Variants in LDB2 observed in about 807,000 individuals in gnomAD.
LDB2 encodes LIM domain binding 2.
A neutral mutation model predicts 44.3 loss-of-function variants in LDB2; 12 were observed. The observed-to-expected ratio is 0.27, with a 90% CI of 0.17 to 0.44. The LOEUF is 0.44. LDB2 is among the 20% of genes least tolerant of loss of function. The pLI, the probability that LDB2 is intolerant of heterozygous loss-of-function variation, is 1.00. For synonymous variants in LDB2, 164 were observed against 174.8 expected (o/e 0.94, Z 0.49); for missense variants, 344 against 473.5 (o/e 0.73, Z 2.54).
chr4:16,598,252 C>CT, intron 2 of LDB2, among the ~76,000 whole-genome samples: 1 of 152,332 alleles, frequency 6.6e-6, no homozygotes, highest in African/African-American at 2.4e-5. Context: ...GAACTCGAAG[C>CT]TTTCACTTTG....
At chr4:16,698,414 T>C (rs1242156432) in intron 2 of LDB2, among the ~76,000 whole-genome samples, 6 of 152,214 alleles carry the variant, frequency 3.9e-5, no homozygotes, top group Admixed American at 3.9e-4. Context: ...GATAATACTC[T>C]TTCCACACAC....
intron 1 of LDB2, among the ~76,000 whole-genome samples, chr4:16,778,302 C>T (rs140043336): frequency 5.9e-5 from 9 of 152,280 alleles, no homozygotes; most frequent in African/African-American, 1.9e-4. Flanking sequence ...TACGCACACA[C>T]GCATGCAAGA....
intron 2 of LDB2, among the ~76,000 whole-genome samples, chr4:16,750,013 G>A (rs1566069): frequency 6.6e-6 from 1 of 151,852 alleles, no homozygotes; most frequent in East Asian, 1.9e-4. Flanking sequence ...TTCTATTTTT[G>A]TCATAAAAAT....
chr4:16,557,566 A>G (rs1378027130), intron 5 of LDB2, among the ~76,000 whole-genome samples: 2 of 152,222 alleles, frequency 1.3e-5, no homozygotes, highest in Non-Finnish European at 2.9e-5. Flanking sequence ...CGGGAAGCTC[A>G]AACTGGGTGG....
chr4:16,663,444 C>T (rs925291215), intron 2 of LDB2, among the ~76,000 whole-genome samples: 4 of 152,156 alleles, frequency 2.6e-5, no homozygotes, highest in Non-Finnish European at 4.4e-5. Flanking sequence ...AAGTTGGCTC[C>T]AGCACACCAC....
chr4:16,652,555 C>T (rs867511393), intron 2 of LDB2, among the ~76,000 whole-genome samples: 10 of 152,196 alleles, frequency 6.6e-5, no homozygotes, highest in South Asian at 2.1e-4. Flanking sequence ...GGGGTAAAGG[C>T]GGGGCTGTCC....
chr4:16,842,805 G>A (rs1786137171), intron 1 of LDB2, among the ~76,000 whole-genome samples: 1 of 152,240 alleles, frequency 6.6e-6, no homozygotes, highest in South Asian at 2.1e-4. Flanking sequence ...TCAGGTTCTG[G>A]AACTGGTATT....
intron 1 of LDB2, among the ~76,000 whole-genome samples, chr4:16,860,154 A>G (rs1304584300): frequency 6.6e-6 from 1 of 152,222 alleles, no homozygotes; most frequent in Non-Finnish European, 1.5e-5. Context: ...AACATGGAAG[A>G]AGACGGATGG....
intron 5 of LDB2, among the ~76,000 whole-genome samples, chr4:16,536,712 G>A (rs1309803988): frequency 6.6e-6 from 1 of 152,214 alleles, no homozygotes; most frequent in East Asian, 1.9e-4. Context: ...GATGGAGAAT[G>A]GCTCAAGCAG....
chr4:16,628,491 G>C (rs1730923586), intron 2 of LDB2, among the ~76,000 whole-genome samples: 1 of 152,062 alleles, frequency 6.6e-6, no homozygotes, highest in Admixed American at 6.5e-5. Flanking sequence ...TTGGGGATGA[G>C]AAAGGTAACT....
intron 1 of LDB2, among the ~76,000 whole-genome samples, chr4:16,879,199 A>G (rs1017560049): frequency 6.6e-6 from 1 of 152,218 alleles, no homozygotes. Flanking sequence ...TCCCTATTGC[A>G]ATAAAGTCAG....
intron 2 of LDB2, among the ~76,000 whole-genome samples, chr4:16,609,359 GGA>G (rs1210368163): frequency 6.8e-6 from 1 of 147,402 alleles, no homozygotes; most frequent in African/African-American, 2.5e-5. Context: ...GGCGGGGGGG[GGA>G]GGGGAAGGGC....
intron 1 of LDB2, among the ~76,000 whole-genome samples, chr4:16,812,426 G>T (rs1444193304): frequency 6.6e-6 from 1 of 151,836 alleles, no homozygotes; most frequent in Admixed American, 6.6e-5. Flanking sequence ...TGCTTGTTTT[G>T]TTCCCCTAAA....
intron 1 of LDB2, among the ~76,000 whole-genome samples, chr4:16,798,053 A>AG (rs1337467662): frequency 4.0e-5 from 6 of 150,664 alleles, no homozygotes; most frequent in African/African-American, 1.5e-4. Flanking sequence ...AAAAAAAAAA[A>AG]GCTGTATAAT....
chr4:16,699,955 A>G (rs1753078796), intron 2 of LDB2, among the ~76,000 whole-genome samples: 1 of 152,224 alleles, frequency 6.6e-6, no homozygotes, highest in Non-Finnish European at 1.5e-5. Flanking sequence ...ATTTCAGATA[A>G]ACAATGAATA....
intron 2 of LDB2, among the ~76,000 whole-genome samples, chr4:16,698,404 GA>G: frequency 6.6e-6 from 1 of 152,162 alleles, no homozygotes; most frequent in South Asian, 2.1e-4. Flanking sequence ...AGTAGTGTAT[GA>G]TAATACTCTT....
Position 16,749,571 on chromosome 4 carries a change from AAT to A in LDB2, c.235+9585_235+9586del, listed in dbSNP as rs1319577142. On this transcript the variant is annotated intron_variant, in intron 2 of 7. Transcript: ENST00000304523. Reference sequence around the variant, plus strand: ...AAGACTCCATCTCAAAAAAAAAAAAAATAAAAAAATAAAAAAAAATATATATA... The same window carrying A: ...AAGACTCCATCTCAAAAAAAAAAAAAAAAAAAATAAAAAAAAATATATATA... Among the ~76,000 whole-genome samples the A allele has an allele frequency of 3.8e-3, 522 of 136,736 alleles. 8 individuals are homozygous for A. The highest frequency in any genetic ancestry group is 0.014 in the African/African-American group (488 of 33,748). The allele number at this position is 136,736 out of a possible 152,430, so 89.7% of individuals were successfully genotyped here. A position where few individuals can be genotyped will look rare whatever the true frequency, so the allele number is the denominator to read the frequency against.
At chr4:16,739,378 G>A (rs1762493565) in intron 2 of LDB2, among the ~76,000 whole-genome samples, 1 of 150,406 alleles carries the variant, frequency 6.6e-6, no homozygotes, top group Non-Finnish European at 1.5e-5. Context: ...CTTGAGGTCA[G>A]GAGTTCAAAA....
chr4:16,668,952 T>C (rs1183391646), intron 2 of LDB2, among the ~76,000 whole-genome samples: 1 of 152,198 alleles, frequency 6.6e-6, no homozygotes, highest in African/African-American at 2.4e-5. Flanking sequence ...ACAGTGTGGA[T>C]ATGGTTCCCA....
Sources: allele counts gnomAD v4.1 joint callset (sites outside exome capture counted in the v4.1 genomes callset), GRCh38; gene constraint gnomAD v4.1.1; transcripts MANE v1.5; gene names NCBI Gene and HGNC (gene_info 2026-07-23, HGNC 2026-07-21).